The following CACNB4 variants were observed in gnomAD, a reference collection of about 807,000 sequenced individuals.
CACNB4 encodes the protein voltage-dependent L-type calcium channel subunit beta-4.
A neutral mutation model predicts 71.2 loss-of-function variants in CACNB4; 32 were observed. That is an observed-to-expected ratio of 0.45 (90% CI 0.34 to 0.60). CACNB4 has a LOEUF of 0.60. Ranked by LOEUF, CACNB4 falls within the 20% of genes least tolerant of loss-of-function variation. The probability of loss-of-function intolerance (pLI) is 0.01; values close to 1 mark genes in which losing one functional copy is unlikely to be tolerated. For missense variants in CACNB4, 464 were observed against 647.9 expected (o/e 0.72, Z 3.08); for synonymous variants, 231 against 236.9 (o/e 0.97, Z 0.23).
rs754195496 is a variant in CACNB4, at chr2:151,869,248, G to A, written c.700-13C>T. ...TCATGTCTGTTACCTTTGCAGAGGT[G>A]AGAAAAAAAGAATGAGGCAAACACA... On this transcript the variant is annotated splice_polypyrimidine_tract_variant and intron_variant, in intron 8 of 13. Coordinates refer to ENST00000539935, the MANE Select transcript of CACNB4 (RefSeq NM_000726.5). The A allele has an allele frequency of 7.2e-6, 11 of 1,520,812 alleles. No individual in the cohort carries two copies. The East Asian group carries it at 9.5e-5, about 13-fold the overall frequency. 94.2% of individuals were successfully genotyped at this position (1,520,812 alleles called of 1,614,324 possible). A position where few individuals can be genotyped will look rare whatever the true frequency, so the allele number is the denominator to read the frequency against.
At chr2:152,072,131 T>C (rs569400622) in intron 2 of CACNB4, among the ~76,000 whole-genome samples, 1 of 152,236 alleles carries the variant, frequency 6.6e-6, no homozygotes, top group African/African-American at 2.4e-5. Flanking sequence ...AGTTTAGAGA[T>C]AAGAACAAGG....
At position 152,098,998 on chromosome 2, in the gene CACNB4, G is replaced by A. The variant is rs1579295895; in HGVS notation, c.14C>T (p.Ser5Phe). Reference sequence around the variant, plus strand: ...GTCCGCGGTCCCGTTCTTGGCGTAGGAGGAGGAGGACATCGTTCAGAGCCG... The same window carrying A: ...GTCCGCGGTCCCGTTCTTGGCGTAGAAGGAGGAGGACATCGTTCAGAGCCG... MSSS[S>F]YAKNGTADGP... Residue 5 changes from serine (S) to phenylalanine (F), a missense_variant, in exon 1 of 14, where the codon TCC (serine) becomes TTC (phenylalanine). Coordinates refer to ENST00000539935, the MANE Select transcript of CACNB4 (RefSeq NM_000726.5). This position sits in a 1 kb window ranked among gnomAD's most constrained non-coding sequence, Gnocchi z 5.3. 5 of 1,530,010 alleles carry A rather than the reference G, an allele frequency of 3.3e-6. No individual in the cohort carries two copies. In the East Asian group the frequency reaches 1.3e-4, roughly 39 times the overall value. 94.8% of individuals were successfully genotyped at this position (1,530,010 alleles called of 1,614,324 possible). A position where few individuals can be genotyped will look rare whatever the true frequency, so the allele number is the denominator to read the frequency against.
chr2:151,971,298 T>C (rs1028945367), intron 2 of CACNB4: 50 of 588,112 alleles, frequency 8.5e-5, no homozygotes, highest in Middle Eastern at 4.5e-4. Context: ...TGTGAAAACA[T>C]TGAAAATAAT....
intron 2 of CACNB4, among the ~76,000 whole-genome samples, chr2:152,032,470 G>T (rs768267277): frequency 6.6e-6 from 1 of 152,122 alleles, no homozygotes; most frequent in Non-Finnish European, 1.5e-5. Context: ...AGTCGGTCAT[G>T]ATTTTAAGAA....
At chr2:151,859,042 T>G (rs1234940984) in intron 10 of CACNB4, 1 of 152,344 alleles carries the variant, frequency 6.6e-6, no homozygotes, top group Non-Finnish European at 1.5e-5. Context: ...ACATAACAAG[T>G]GTTCAATAAA....
chr2:151,942,205 T>C (rs1261650703), intron 2 of CACNB4, among the ~76,000 whole-genome samples: 1 of 149,276 alleles, frequency 6.7e-6, no homozygotes, highest in African/African-American at 2.6e-5. Flanking sequence ...CATAGTTATC[T>C]AGAACTGTGC....
rs548843021 is a variant in CACNB4, at chr2:151,842,198, T to C, written c.1117-110A>G. On this transcript the variant is annotated intron_variant, in intron 12 of 13. Transcript: ENST00000539935. ...CATTTTTAATAGCTATTAGCTAAAA[T>C]CAAATTTGAGGTGCTATATGGGCAG... is the stretch of plus-strand genomic sequence containing the variant. The C allele has an allele frequency of 1.8e-5, 16 of 902,016 alleles. No individual in the cohort carries two copies. In the South Asian group the frequency reaches 2.0e-4, roughly 11 times the overall value. 55.9% of individuals were successfully genotyped at this position (902,016 alleles called of 1,614,324 possible).
chr2:152,062,361 G>C (rs1163028463), intron 2 of CACNB4, among the ~76,000 whole-genome samples: 1 of 152,130 alleles, frequency 6.6e-6, no homozygotes, highest in Non-Finnish European at 1.5e-5. Context: ...CCATTGAGTT[G>C]AGACCAACAC....
chr2:151,871,081 T>C, intron 6 of CACNB4: 3 of 568,998 alleles, frequency 5.3e-6, no homozygotes, highest in Non-Finnish European at 6.3e-6. Context: ...ACAAATGACC[T>C]TATATCCTGA....
At chr2:151,917,068 A>G (rs1382223201) in intron 2 of CACNB4, among the ~76,000 whole-genome samples, 2 of 152,244 alleles carry the variant, frequency 1.3e-5, no homozygotes, top group African/African-American at 2.4e-5. Flanking sequence ...CTCATTAACA[A>G]GAAACTATTT....
chr2:151,887,896 T>C (rs554629584), intron 2 of CACNB4, among the ~76,000 whole-genome samples: 56 of 152,322 alleles, frequency 3.7e-4, no homozygotes, highest in Non-Finnish European at 7.5e-4. Flanking sequence ...TGGCAGCTTT[T>C]TCACATTAAA....
chr2:152,042,012 C>T (rs1163939431), intron 2 of CACNB4, among the ~76,000 whole-genome samples: 2 of 152,176 alleles, frequency 1.3e-5, no homozygotes, highest in African/African-American at 4.8e-5. Flanking sequence ...AAAGAGCAAA[C>T]TATGTGATCT....
intron 2 of CACNB4, among the ~76,000 whole-genome samples, chr2:152,051,740 T>A (rs1041580937): frequency 3.3e-5 from 5 of 152,174 alleles, no homozygotes; most frequent in African/African-American, 1.2e-4. Context: ...AAGCCACCCA[T>A]CTATGGTAAT....
At chr2:152,094,324 A>AG (rs1212978817) in intron 2 of CACNB4, among the ~76,000 whole-genome samples, 1 of 152,364 alleles carries the variant, frequency 6.6e-6, no homozygotes, top group East Asian at 1.9e-4. Context: ...CAGTGGCAAG[A>AG]GGGAAGACAG....
chr2:151,840,745 C>T (rs944303545), intron 13 of CACNB4, among the ~76,000 whole-genome samples: 12 of 152,082 alleles, frequency 7.9e-5, no homozygotes, highest in Admixed American at 3.9e-4. Flanking sequence ...TCAGAGAGTG[C>T]CATTTATCTC....
chr2:151,997,742 T>C (rs1365735952), intron 2 of CACNB4, among the ~76,000 whole-genome samples: 2 of 152,176 alleles, frequency 1.3e-5, no homozygotes, highest in Non-Finnish European at 2.9e-5. Context: ...TTCCAACTTC[T>C]GACCCCTACA....
rs2099870377 is a variant in CACNB4 at position 151,964,073 on chromosome 2, A to AC, written c.148-80704_148-80703insG. On this transcript the variant is annotated intron_variant, in intron 2 of 13. Coordinates refer to ENST00000539935, the MANE Select transcript of CACNB4 (RefSeq NM_000726.5). ...AGAGCAAGACTCTGTCTCACAGAAA[A>AC]AAAAAAAAAAAAAAAAAGAATGTTA... Among the ~76,000 whole-genome samples the AC allele has an allele frequency of 2.7e-5, 4 of 150,862 alleles. No homozygotes were observed. The South Asian group carries it at 8.4e-4, about 32-fold the overall frequency.
chr2:151,880,753 C>G (rs774401716), intron 4 of CACNB4, 47 bp downstream of exon 4: 1 of 1,587,972 alleles, frequency 6.3e-7, no homozygotes, highest in East Asian at 2.3e-5. Context: ...TGATTCCTGG[C>G]TTCAGCTTTT....
chr2:152,069,687 C>T (rs1270063225), intron 2 of CACNB4, among the ~76,000 whole-genome samples: 2 of 151,964 alleles, frequency 1.3e-5, no homozygotes, highest in Non-Finnish European at 2.9e-5. Flanking sequence ...GTGATCTTGT[C>T]ATAGGATTTC....
Sources: allele counts gnomAD v4.1 joint callset (sites outside exome capture counted in the v4.1 genomes callset), GRCh38; gene constraint gnomAD v4.1.1; non-coding constraint Gnocchi (gnomAD v3.1); transcripts MANE v1.5; gene names NCBI Gene and HGNC (gene_info 2026-07-23, HGNC 2026-07-21).